MYO5A: variants seen among roughly 807,000 people sequenced by gnomAD.
The protein encoded by MYO5A is myosin VA.
Under a neutral mutation model 249.7 loss-of-function variants are expected in MYO5A, and 98 were observed. The observed-to-expected ratio is 0.39, with a 90% CI of 0.33 to 0.46. The LOEUF (loss-of-function observed/expected upper bound fraction) is 0.46. Ranked by LOEUF, MYO5A falls within the 20% of genes least tolerant of loss-of-function variation. MYO5A has a pLI of 0.98. For missense variants in MYO5A, 1,696 were observed against 2,308.8 expected, an observed-to-expected ratio of 0.73 and a Z score of 5.44; for synonymous variants, 778 against 810.6, an observed-to-expected ratio of 0.96 and a Z score of 0.68.
At chr15:52,485,520 C>T (rs149784178) in intron 1 of MYO5A, among the ~76,000 whole-genome samples, 8 of 151,988 alleles carry the variant, frequency 5.3e-5, no homozygotes, top group Non-Finnish European at 1.2e-4. Flanking sequence ...TTTAGAAATC[C>T]TTACTCTAGG....
intron 22 of MYO5A, among the ~76,000 whole-genome samples, chr15:52,368,557 C>T (rs1449174864): frequency 6.6e-6 from 1 of 152,194 alleles, no homozygotes; most frequent in Non-Finnish European, 1.5e-5. Flanking sequence ...GACCATGAAG[C>T]TGACTGTCAC....
At chr15:52,334,754 T>C (rs1284418346) in intron 34 of MYO5A, among the ~76,000 whole-genome samples, 2 of 152,252 alleles carry the variant, frequency 1.3e-5, no homozygotes, top group Admixed American at 1.3e-4. Flanking sequence ...ATGTTTTCTA[T>C]GCTCAGGAAG....
chr15:52,489,282 C>T (rs532571188), intron 1 of MYO5A, among the ~76,000 whole-genome samples: 98 of 152,216 alleles, frequency 6.4e-4, no homozygotes, highest in Non-Finnish European at 1.0e-3. Context: ...CTCTCTGCAT[C>T]GGCTGGGCGC....
At chr15:52,423,914 C>G (rs2075340519) in intron 4 of MYO5A, among the ~76,000 whole-genome samples, 1 of 152,142 alleles carries the variant, frequency 6.6e-6, no homozygotes, top group Non-Finnish European at 1.5e-5. Context: ...AGACCAGTAA[C>G]AAAGATGGTA....
intron 1 of MYO5A, among the ~76,000 whole-genome samples, chr15:52,443,450 A>C (rs772999619): frequency 1.6e-4 from 24 of 152,150 alleles, no homozygotes; most frequent in Non-Finnish European, 2.5e-4. Flanking sequence ...CCTGGTTTAA[A>C]AGTAAATCAC....
At chr15:52,436,064 C>T (rs938828028) in intron 1 of MYO5A, among the ~76,000 whole-genome samples, 5 of 152,138 alleles carry the variant, frequency 3.3e-5, no homozygotes, top group Non-Finnish European at 7.4e-5. Context: ...ATTACAGGTG[C>T]CTGCCACCAC....
intron 23 of MYO5A, among the ~76,000 whole-genome samples, chr15:52,366,629 C>CAAAAAAAAA (rs60631867): frequency 8.0e-5 from 6 of 74,552 alleles, no homozygotes; most frequent in Non-Finnish European, 1.2e-4. Flanking sequence ...ATTGATTTAG[C>CAAAAAAAAA]AAAAAAAAAA....
intron 28 of MYO5A, among the ~76,000 whole-genome samples, chr15:52,349,988 A>G (rs1276006549): frequency 6.6e-6 from 1 of 152,264 alleles, no homozygotes. Flanking sequence ...GCGGGAGCGC[A>G]GTGGCACGAT....
At chr15:52,448,951 G>GTTTTTTTTTTTTTTTTTTTTT (rs2075954786) in intron 1 of MYO5A, among the ~76,000 whole-genome samples, 1 of 64,058 alleles carries the variant, frequency 1.6e-5, no homozygotes, top group Non-Finnish European at 3.2e-5. Flanking sequence ...TTCTTTTCTT[G>GTTTTTTTTTTTTTTTTTTTTT]TCTTTCTTTT....
At chr15:52,481,589 A>G (rs537438661) in intron 1 of MYO5A, among the ~76,000 whole-genome samples, 2 of 152,308 alleles carry the variant, frequency 1.3e-5, no homozygotes, top group Admixed American at 6.5e-5. Context: ...GCAAAGAAAA[A>G]TAGAGTACAT....
intron 1 of MYO5A, among the ~76,000 whole-genome samples, chr15:52,450,850 T>TTTTTTTG (rs2076004315): frequency 1.3e-5 from 1 of 74,166 alleles, no homozygotes; most frequent in African/African-American, 1.0e-4. Context: ...GTGGTTTTTT[T>TTTTTTTG]TTTTTTTTTT....
chr15:52,519,142 C>T (rs1404694509), intron 1 of MYO5A, among the ~76,000 whole-genome samples: 1 of 152,016 alleles, frequency 6.6e-6, no homozygotes, highest in Non-Finnish European at 1.5e-5. Context: ...AAATTGTGCA[C>T]AATTCTTACT....
chr15:52,482,860 G>C (rs2076742734), intron 1 of MYO5A, among the ~76,000 whole-genome samples: 1 of 152,118 alleles, frequency 6.6e-6, no homozygotes, highest in Non-Finnish European at 1.5e-5. Flanking sequence ...CTACCAACCT[G>C]CCCGTGGCTC....
intron 1 of MYO5A, among the ~76,000 whole-genome samples, chr15:52,479,378 T>C (rs1450885044): frequency 6.6e-6 from 1 of 152,184 alleles, no homozygotes; most frequent in Non-Finnish European, 1.5e-5. Flanking sequence ...ACATAACTTT[T>C]TCTTATTTTT....
rs4528514 is a variant in MYO5A at position 52,389,954 on chromosome 15, C to T, written c.1543-591G>A. 8.2e-3 allele frequency among the ~76,000 whole-genome samples: 1,248 copies of T among 151,548 alleles called. 16 individuals are homozygous for T. Among genetic ancestry groups the T allele is most frequent in the African/African-American group, 0.027 (1,134 of 41,340 alleles). On this transcript the variant is annotated intron_variant, in intron 12 of 41. Transcript: ENST00000399233. ...GGGTGACAAAAGTGAAATTCCGTCTCAAAAAAAGAAAAACAAAAAAGCCTC... is the reference window on the plus strand; with the variant it reads ...GGGTGACAAAAGTGAAATTCCGTCTTAAAAAAAGAAAAACAAAAAAGCCTC...
chr15:52,376,409 G>A lies in MYO5A; in HGVS notation c.2358C>T (p.Tyr786=), dbSNP rs941263601. 6.2e-6 allele frequency: 10 copies of A among 1,613,962 alleles called. No homozygotes were observed. In the African/African-American group the frequency reaches 1.2e-4, roughly 19 times the overall value. ...TIRGWLLRKK[Y]LRMRKAAITM... ...TGATGGCTGCCTTCCGCATGCGTAG[G>A]TACTTCTTTCTCAGCAGCCACCCTC... The change falls in exon 19 of 42, where the codon TAC becomes TAT. Residue 786 remains tyrosine (Y), a synonymous_variant. Coordinates refer to ENST00000399233, the MANE Select transcript of MYO5A (RefSeq NM_001382347.1).
chr15:52,448,588 ATACG>A (rs543037327), intron 1 of MYO5A, among the ~76,000 whole-genome samples: 91 of 152,280 alleles, frequency 6.0e-4, no homozygotes, highest in African/African-American at 2.0e-3. Flanking sequence ...TGGCAGAATG[ATACG>A]GTTTGAGTCT....
At chr15:52,362,309 G>T (rs2040573390) in intron 24 of MYO5A, among the ~76,000 whole-genome samples, 1 of 152,152 alleles carries the variant, frequency 6.6e-6, no homozygotes, top group South Asian at 2.1e-4. Flanking sequence ...ATTAGCTCTG[G>T]ATTGAAGCAG....
At chr15:52,445,366 C>T (rs1011984611) in intron 1 of MYO5A, among the ~76,000 whole-genome samples, 1 of 152,140 alleles carries the variant, frequency 6.6e-6, no homozygotes, top group Non-Finnish European at 1.5e-5. Context: ...GCAGATGCCG[C>T]CATGCTTCAT....
Sources: gnomAD v4.1 joint callset for allele counts (sites outside exome capture counted in the v4.1 genomes callset) on GRCh38, gnomAD v4.1.1 for gene constraint, MANE v1.5 for transcripts, NCBI Gene and HGNC (gene_info 2026-07-23, HGNC 2026-07-21) for gene names.